The following NRL variants were observed in gnomAD, a reference collection of about 807,000 sequenced individuals.
NRL encodes neural retina leucine zipper, also known as neural retina-specific leucine zipper protein.
In NRL, 16 loss-of-function variants were observed where a neutral mutation model predicts 12.5. The ratio of observed to expected loss-of-function variants is 1.28; its 90% CI spans 0.87 to 1.95. NRL has a LOEUF of 1.95. NRL is among the 30% of genes most tolerant of loss of function. The pLI, the probability that NRL is intolerant of heterozygous loss-of-function variation, is 0.00. For synonymous variants in NRL, 142 were observed against 150.9 expected (o/e 0.94, Z 0.43); for missense variants, 314 against 325.8 (o/e 0.96, Z 0.28).
chr14:24,103,343 C>A, intron 1 of NRL: 2 of 1,213,364 alleles, frequency 1.6e-6, no homozygotes, highest in Non-Finnish European at 2.4e-6. Context: ...CTTTTGTCCA[C>A]CCCTGGAGTC....
chr14:24,094,192 C>G lies in NRL; in HGVS notation c.-27-11317G>C. 1 of 563,326 alleles carries G rather than the reference C, an allele frequency of 1.8e-6. No individual in the cohort carries two copies. Among genetic ancestry groups the G allele is most frequent in the Non-Finnish European group, 3.1e-6 (1 of 325,590 alleles). The allele number at this position is 563,326 out of a possible 1,614,324, so 34.9% of individuals were successfully genotyped here. On this transcript the variant is annotated intron_variant, in intron 1 of 2. Coordinates refer to ENST00000561028, the MANE Select transcript of NRL (RefSeq NM_001354768.3). The surrounding 1 kb of genome is among the most constrained non-coding windows in gnomAD (Gnocchi z 4.1). ...GGCTGGGCTGACCTGGAGCCTGGAGCCCCGGGGCCGAGGGAGCTGGCCTGC... is the reference window on the plus strand; with the variant it reads ...GGCTGGGCTGACCTGGAGCCTGGAGGCCCGGGGCCGAGGGAGCTGGCCTGC...
intron 1 of NRL, among the ~76,000 whole-genome samples, chr14:24,090,503 GC>G (rs1165222891): frequency 6.6e-6 from 1 of 152,184 alleles, no homozygotes; most frequent in Non-Finnish European, 1.5e-5. Context: ...TGGTGAGACA[GC>G]TCCCTTTGGC....
intron 1 of NRL, chr14:24,099,035 C>A: frequency 6.3e-7 from 1 of 1,589,450 alleles, no homozygotes; most frequent in South Asian, 1.1e-5. Context: ...GCCCCATGAC[C>A]CCATTGTCCC....
intron 1 of NRL, chr14:24,100,386 C>T: frequency 7.3e-7 from 1 of 1,377,736 alleles, no homozygotes; most frequent in Non-Finnish European, 9.6e-7. Flanking sequence ...CCAACTCCAC[C>T]AGTCACTGGT....
intron 1 of NRL, chr14:24,099,053 G>A (rs1208958752): frequency 1.3e-6 from 2 of 1,598,976 alleles, no homozygotes; most frequent in Non-Finnish European, 1.7e-6. Context: ...CCCCAGGGGA[G>A]CCAGTGAGCC....
At chr14:24,090,784 GAT>G (rs956334661) in intron 1 of NRL, among the ~76,000 whole-genome samples, 1 of 152,248 alleles carries the variant, frequency 6.6e-6, no homozygotes, top group African/African-American at 2.4e-5. Flanking sequence ...GTGTGTGGCA[GAT>G]AAGGGGAAAT....
At chr14:24,102,667 AC>A (rs1332718054) in intron 1 of NRL, 4 of 1,176,088 alleles carry the variant, frequency 3.4e-6, no homozygotes, top group Admixed American at 2.2e-5. Flanking sequence ...AAAAAAAAGA[AC>A]CCTGCAAGAA....
chr14:24,082,037 A>G (rs1030538764), intron 2 of NRL: 13 of 1,202,008 alleles, frequency 1.1e-5, no homozygotes, highest in Non-Finnish European at 1.4e-5. Context: ...AATTAATAGG[A>G]TGAGTCCCAA....
At chr14:24,097,135 C>T in intron 1 of NRL, 1 of 1,613,728 alleles carries the variant, frequency 6.2e-7, no homozygotes, top group South Asian at 1.1e-5. Flanking sequence ...AGTACAATAA[C>T]TGGTAAGCCT....
intron 1 of NRL, 111 bp downstream of exon 1, chr14:24,114,611 G>T: frequency 3.2e-6 from 3 of 926,298 alleles, no homozygotes; most frequent in Non-Finnish European, 3.9e-6. Context: ...GGCTGTCTCT[G>T]ATTCAGGAAG....
At chr14:24,099,950 A>G (rs1390969551) in intron 1 of NRL, 5 of 1,613,820 alleles carry the variant, frequency 3.1e-6, no homozygotes, top group Middle Eastern at 1.6e-4. Flanking sequence ...TTACATCTCA[A>G]GTTTTCCTTG....
chr14:24,109,646 C>T (rs569029773), intron 1 of NRL, among the ~76,000 whole-genome samples: 1 of 149,010 alleles, frequency 6.7e-6, no homozygotes, highest in African/African-American at 2.5e-5. Flanking sequence ...TGCAGTGAGC[C>T]GAGATCGGTC....
rs1048506766 is a variant in NRL, at chr14:24,114,741, G to A, written c.-47C>T. 6 of 985,838 alleles carry A rather than the reference G, an allele frequency of 6.1e-6. No homozygotes were observed. In the African/African-American group the frequency reaches 8.7e-5, roughly 14 times the overall value. The allele number at this position is 985,838 out of a possible 1,614,324, so 61.1% of individuals were successfully genotyped here. On this transcript the variant is annotated 5_prime_UTR_variant, in exon 1 of 3. Transcript: ENST00000561028. The stretch of plus-strand genomic sequence containing the variant: ...GCCTACCTATCAATCATCGTGCTCC[G>A]CTGTCCAGTTGGCTGGCCAAGGGGG...
chr14:24,091,291 C>G (rs2036624882), intron 1 of NRL, among the ~76,000 whole-genome samples: 2 of 152,162 alleles, frequency 1.3e-5, no homozygotes, highest in Non-Finnish European at 2.9e-5. Context: ...GCTGGGACTA[C>G]CGGCGTGCGC....
At chr14:24,113,497 T>C (rs900533258) in intron 1 of NRL, among the ~76,000 whole-genome samples, 2 of 152,034 alleles carry the variant, frequency 1.3e-5, no homozygotes, top group African/African-American at 4.8e-5. Context: ...AAAGTCTCAA[T>C]AAACGTTAAA....
In NRL at chr14:24,094,803, G is replaced by C; in HGVS notation, c.-27-11928C>G. On this transcript the variant is annotated intron_variant, in intron 1 of 2. Coordinates refer to ENST00000561028, the MANE Select transcript of NRL (RefSeq NM_001354768.3). This position sits in a 1 kb window ranked among gnomAD's most constrained non-coding sequence, Gnocchi z 4.1. ...GACCTCTAACGGGCTCTCAGCCAGC[G>C]CCCCAGGGTACTTCGAGAGGCAGCA... 19 of 1,354,800 alleles carry C rather than the reference G, an allele frequency of 1.4e-5. No individual in the cohort carries two copies. The highest frequency in any genetic ancestry group is 1.8e-5 in the Non-Finnish European group (19 of 1,031,738). The allele number at this position is 1,354,800 out of a possible 1,614,324, so 83.9% of individuals were successfully genotyped here. A position where few individuals can be genotyped will look rare whatever the true frequency, so the allele number is the denominator to read the frequency against.
chr14:24,104,367 C>T (rs958897007), intron 1 of NRL, among the ~76,000 whole-genome samples: 3 of 151,650 alleles, frequency 2.0e-5, no homozygotes, highest in Non-Finnish European at 2.9e-5. Context: ...TGGTGGTTCA[C>T]GCCTGTAATC....
chr14:24,090,986 A>G (rs2036611676), intron 1 of NRL, among the ~76,000 whole-genome samples: 1 of 152,266 alleles, frequency 6.6e-6, no homozygotes, highest in Admixed American at 6.5e-5. Context: ...GACTGAAATC[A>G]TCACTCTAGT....
At chr14:24,100,554 A>G in intron 1 of NRL, 1 of 1,074,142 alleles carries the variant, frequency 9.3e-7, no homozygotes, top group South Asian at 4.2e-5. Context: ...GTAAATTCTC[A>G]ATAATAAATA....
Sources: gnomAD v4.1 joint callset for allele counts (sites outside exome capture counted in the v4.1 genomes callset) on GRCh38, gnomAD v4.1.1 for gene constraint, Gnocchi (gnomAD v3.1) non-coding constraint, MANE v1.5 for transcripts, NCBI Gene and HGNC (gene_info 2026-07-23, HGNC 2026-07-21) for gene names.